Variants in CCDC125 observed in about 807,000 individuals in gnomAD.
CCDC125 encodes the protein coiled-coil domain containing 125.
A neutral mutation model predicts 57.4 loss-of-function variants in CCDC125; 43 were observed. The observed-to-expected ratio is 0.75, with a 90% CI of 0.59 to 0.97. CCDC125 has a LOEUF of 0.97. CCDC125 is among the 50% of genes least tolerant of loss of function. The pLI is 0.00. For synonymous variants in CCDC125, 187 were observed against 195.2 expected, an observed-to-expected ratio of 0.96 and a Z score of 0.35; for missense variants, 563 against 595.7, an observed-to-expected ratio of 0.95 and a Z score of 0.57.
At chr5:69,326,831 G>C (rs1023102139) in intron 1 of CCDC125, among the ~76,000 whole-genome samples, 9 of 151,990 alleles carry the variant, frequency 5.9e-5, no homozygotes, top group Non-Finnish European at 1.2e-4. Context: ...AAGGAGGACT[G>C]CTTGAGCCTA....
chr5:69,330,122 A>G (rs906222623), intron 1 of CCDC125, among the ~76,000 whole-genome samples: 6 of 152,156 alleles, frequency 3.9e-5, no homozygotes, highest in African/African-American at 1.4e-4. Context: ...CTGACTCCTG[A>G]AGCCCCTAGA....
intron 1 of CCDC125, 137 bp from the exon 2 acceptor site, chr5:69,320,717 C>A (rs1224307926): frequency 1.7e-6 from 1 of 604,092 alleles, no homozygotes; most frequent in East Asian, 2.7e-5. Context: ...GCACTGTTCA[C>A]AATAGCCAAG....
At chr5:69,315,426 A>G (rs1758859270) in intron 2 of CCDC125, among the ~76,000 whole-genome samples, 3 of 117,890 alleles carry the variant, frequency 2.5e-5, no homozygotes, top group Admixed American at 2.1e-4. Context: ...TAACAGAGCG[A>G]GATTCTGTCT....
chr5:69,315,294 G>A (rs555214560), intron 2 of CCDC125, among the ~76,000 whole-genome samples: 1 of 151,730 alleles, frequency 6.6e-6, no homozygotes, highest in Admixed American at 6.6e-5. Flanking sequence ...TGGGCACGGT[G>A]GCTTACACCT....
chr5:69,329,352 TA>T (rs1362122674), intron 1 of CCDC125, among the ~76,000 whole-genome samples: 1 of 151,800 alleles, frequency 6.6e-6, no homozygotes, highest in Non-Finnish European at 1.5e-5. Context: ...TTGTAGAAGC[TA>T]ATTTTTGTAT....
intron 1 of CCDC125, among the ~76,000 whole-genome samples, chr5:69,327,982 C>T (rs548035737): frequency 6.6e-5 from 10 of 152,272 alleles, no homozygotes; most frequent in Admixed American, 1.3e-4. Flanking sequence ...CTGCAACCTC[C>T]GCCTCCCAGG....
At chr5:69,276,430 TG>T, downstream of CCDC125, 1 of 854,286 alleles carries the variant, frequency 1.2e-6, no homozygotes, top group Non-Finnish European at 1.9e-6. Flanking sequence ...TTGTTGGGAA[TG>T]AGGGCATTCA....
chr5:69,274,723 C>G, the CCDC125 span, among the ~76,000 whole-genome samples: 1 of 151,970 alleles, frequency 6.6e-6, no homozygotes, highest in Non-Finnish European at 1.5e-5. Context: ...ACAAGCGATT[C>G]TCCTGTCTCA....
intron 1 of CCDC125, among the ~76,000 whole-genome samples, chr5:69,324,258 A>G (rs1223457797): frequency 6.6e-6 from 1 of 152,244 alleles, no homozygotes; most frequent in Non-Finnish European, 1.5e-5. Context: ...ATGGATGGAA[A>G]GATGCTCAGC....
chr5:69,299,171 G>A (rs1266654129), intron 8 of CCDC125, among the ~76,000 whole-genome samples: 3 of 150,310 alleles, frequency 2.0e-5, no homozygotes, highest in South Asian at 2.1e-4. Context: ...CTGCAGTGGC[G>A]CGATCTCGGC....
intron 7 of CCDC125, among the ~76,000 whole-genome samples, chr5:69,301,779 C>A (rs1756492467): frequency 6.6e-6 from 1 of 150,950 alleles, no homozygotes; most frequent in Admixed American, 6.6e-5. Context: ...TGTCTGCAAT[C>A]CCAGCTACTC....
intron 8 of CCDC125, among the ~76,000 whole-genome samples, chr5:69,297,524 T>C (rs1755571157): frequency 6.6e-6 from 1 of 151,698 alleles, no homozygotes; most frequent in Admixed American, 6.6e-5. Flanking sequence ...CACGCCCAGC[T>C]AATTTTGTAT....
At chr5:69,301,263 A>G (rs1449043513) in intron 7 of CCDC125, among the ~76,000 whole-genome samples, 4 of 152,034 alleles carry the variant, frequency 2.6e-5, no homozygotes, top group Non-Finnish European at 5.9e-5. Flanking sequence ...GGCATGAGCA[A>G]CAGCGCCTGG....
intron 8 of CCDC125, 50 bp downstream of exon 8, chr5:69,299,962 G>A (rs760675650): frequency 7.4e-7 from 1 of 1,355,666 alleles, no homozygotes; most frequent in South Asian, 1.2e-5. Flanking sequence ...GAGAAAGAAA[G>A]GAAAGTAGCA....
chr5:69,298,216 A>G (rs1012424235), intron 8 of CCDC125, among the ~76,000 whole-genome samples: 78 of 151,796 alleles, frequency 5.1e-4, no homozygotes, highest in African/African-American at 1.1e-3. Context: ...GGGTTTCATC[A>G]TGTTGGCCAG....
At chr5:69,324,964 A>C (rs1178108449) in intron 1 of CCDC125, among the ~76,000 whole-genome samples, 2 of 152,230 alleles carry the variant, frequency 1.3e-5, no homozygotes, top group African/African-American at 4.8e-5. Context: ...AATGACCACA[A>C]AGGGCATGAG....
At chr5:69,300,820 CA>C (rs1190820175) in intron 7 of CCDC125, among the ~76,000 whole-genome samples, 2 of 122,022 alleles carry the variant, frequency 1.6e-5, no homozygotes, top group Non-Finnish European at 3.7e-5. Context: ...GTGCCGCTCT[CA>C]GCCCCAGGGC....
In CCDC125 at chr5:69,320,358, T is replaced by G. The variant is rs2150601511; in HGVS notation, c.183A>C (p.Pro61=). 1.2e-6 allele frequency: 2 copies of G among 1,613,972 alleles called. No individual in the cohort carries two copies. The highest frequency in any genetic ancestry group is 2.2e-5 in the East Asian group (1 of 44,880). ...RSDGKNFSPP[P]FPRKGEERNE... ...TTCTTTCTTCTCCCTTTCTCGGAAA[T>G]GGAGGAGGGCTAAAGTTCTTTCCAT... Residue 61 remains proline (P), a synonymous_variant, in exon 2 of 12, where the codon CCA becomes CCC. Coordinates refer to ENST00000396496, the MANE Select transcript of CCDC125 (RefSeq NM_176816.5).
chr5:69,278,133 C>T (rs186033222), downstream of CCDC125, among the ~76,000 whole-genome samples: 5 of 151,992 alleles, frequency 3.3e-5, no homozygotes, highest in African/African-American at 7.2e-5. Context: ...CTGCCCACCT[C>T]GGCTTCCCAA....
Sources: allele counts gnomAD v4.1 joint callset (sites outside exome capture counted in the v4.1 genomes callset), GRCh38; gene constraint gnomAD v4.1.1; transcripts MANE v1.5; gene names NCBI Gene and HGNC (gene_info 2026-07-23, HGNC 2026-07-21).